Variants in RYR2 observed in about 807,000 individuals in gnomAD.
RYR2 encodes the protein ryanodine receptor 2.
RYR2 carries 227 observed loss-of-function variants against 601.1 expected under a neutral mutation model. The ratio of observed to expected loss-of-function variants is 0.38; its 90% CI spans 0.34 to 0.42. The LOEUF (loss-of-function observed/expected upper bound fraction) is 0.42, where lower values mean the gene tolerates loss of function less well. RYR2 is among the 10% of genes least tolerant of loss of function. The pLI, the probability that RYR2 is intolerant of heterozygous loss-of-function variation, is 1.00. For missense variants in RYR2, 4,646 were observed against 6,156.5 expected, an observed-to-expected ratio of 0.75 and a Z score of 8.21; for synonymous variants, 2,223 against 2,175.1, an observed-to-expected ratio of 1.02 and a Z score of -0.61.
intron 7 of RYR2, among the ~76,000 whole-genome samples, chr1:237,376,981 G>A (rs1048874677): frequency 5.3e-5 from 8 of 152,132 alleles, no homozygotes; most frequent in Admixed American, 1.3e-4. Context: ...TTTATAGAAA[G>A]GAATTGGACA....
intron 2 of RYR2, among the ~76,000 whole-genome samples, chr1:237,274,278 A>G (rs1690036947): frequency 6.6e-6 from 1 of 151,552 alleles, no homozygotes; most frequent in Admixed American, 6.6e-5. Flanking sequence ...CACATATATG[A>G]CAGTGGTCCC....
intron 2 of RYR2, among the ~76,000 whole-genome samples, chr1:237,273,962 T>C (rs1481748561): frequency 6.8e-6 from 1 of 146,700 alleles, no homozygotes; most frequent in East Asian, 1.9e-4. Flanking sequence ...ATAACGCATA[T>C]ATTAAATATA....
chr1:237,421,563 T>C (rs1205827136), intron 11 of RYR2, among the ~76,000 whole-genome samples: 1 of 152,144 alleles, frequency 6.6e-6, no homozygotes, highest in Non-Finnish European at 1.5e-5. Context: ...AAGTCAAAAA[T>C]CCAGGTTAGG....
chr1:237,824,692 A>C lies in RYR2; in HGVS notation c.14591-3689A>C, dbSNP rs144631131. Among the ~76,000 whole-genome samples, 225 of 152,242 alleles carry C rather than the reference A, an allele frequency of 1.5e-3. 1 individual carries two copies. The South Asian group carries it at 0.016, about 11-fold the overall frequency. On this transcript the variant is annotated intron_variant, in intron 101 of 104. Transcript: ENST00000366574. ...AGTCCTGGCCAGGGCAATCAGGCAA[A>C]ACAAAGAAATAAAGGGTATTCAATT...
intron 1 of RYR2, among the ~76,000 whole-genome samples, chr1:237,081,605 GCA>G (rs1422597609): frequency 1.3e-5 from 2 of 150,738 alleles, no homozygotes; most frequent in African/African-American, 4.9e-5. Flanking sequence ...TACATATATG[GCA>G]CACACACACA....
rs545939670 is a variant in RYR2, at chr1:237,678,178, C to T, written c.8895+66C>T. The T allele has an allele frequency of 1.9e-5, 16 of 860,206 alleles. 1 individual carries two copies. Among genetic ancestry groups the T allele is most frequent in the African/African-American group, 3.3e-5 (2 of 60,588 alleles). The allele number at this position is 860,206 out of a possible 1,614,324, so 53.3% of individuals were successfully genotyped here. On this transcript the variant is annotated intron_variant, in intron 61 of 104. Coordinates refer to ENST00000366574, the MANE Select transcript of RYR2 (RefSeq NM_001035.3). ...TGTTTACATACCCTACTCATTAGAT[C>T]GTTGCCCTTTTCAGAACATACTTGT...
At chr1:237,699,286 C>T (rs1394640443) in intron 64 of RYR2, among the ~76,000 whole-genome samples, 3 of 152,196 alleles carry the variant, frequency 2.0e-5, no homozygotes, top group African/African-American at 7.2e-5. Flanking sequence ...TAATGTATCA[C>T]GCAGGAAAAA....
chr1:237,794,306 C>G (rs1382525152), intron 95 of RYR2, among the ~76,000 whole-genome samples: 1 of 142,294 alleles, frequency 7.0e-6, no homozygotes, highest in African/African-American at 2.6e-5. Flanking sequence ...GACCTGCAGG[C>G]AGGGTTATCT....
chr1:237,616,475 C>T (rs1678483802), intron 37 of RYR2, among the ~76,000 whole-genome samples: 1 of 152,054 alleles, frequency 6.6e-6, no homozygotes, highest in Non-Finnish European at 1.5e-5. Flanking sequence ...ATCCATAACC[C>T]AGATCTTAAT....
chr1:237,721,779 C>T (rs1020479226), intron 73 of RYR2, among the ~76,000 whole-genome samples: 2 of 152,178 alleles, frequency 1.3e-5, no homozygotes, highest in East Asian at 1.9e-4. Context: ...CTTGGCCTCC[C>T]AAAGTGCTGG....
intron 51 of RYR2, among the ~76,000 whole-genome samples, chr1:237,652,903 G>A (rs914069902): frequency 1.3e-5 from 2 of 152,000 alleles, no homozygotes; most frequent in African/African-American, 4.8e-5. Flanking sequence ...TAACTGAAAG[G>A]GAAAGTAAAT....
intron 92 of RYR2, 101 bp from the exon 93 acceptor site, chr1:237,791,328 A>G (rs533968164): frequency 3.8e-5 from 27 of 704,940 alleles, no homozygotes; most frequent in African/African-American, 3.3e-4. Flanking sequence ...TAGGCTTGCG[A>G]TCAATTGTTT....
At chr1:237,197,409 C>A (rs79792704) in intron 1 of RYR2, among the ~76,000 whole-genome samples, 1,696 of 152,222 alleles carry the variant, frequency 0.011, 49 homozygotes, top group East Asian at 0.092. Context: ...TCTACTTTCA[C>A]CGAACTTAAT....
intron 12 of RYR2, among the ~76,000 whole-genome samples, chr1:237,437,216 T>C (rs916830483): frequency 6.6e-6 from 1 of 151,648 alleles, no homozygotes; most frequent in Non-Finnish European, 1.5e-5. Flanking sequence ...AGCTAATTTT[T>C]TATTTTATTT....
intron 2 of RYR2, among the ~76,000 whole-genome samples, chr1:237,319,844 T>A (rs1432361461): frequency 6.6e-6 from 1 of 152,230 alleles, no homozygotes; most frequent in African/African-American, 2.4e-5. Context: ...TGGTAGAGGA[T>A]CACCAGGTGT....
chr1:237,306,367 C>G (rs1303327129), intron 2 of RYR2, among the ~76,000 whole-genome samples: 2 of 152,102 alleles, frequency 1.3e-5, no homozygotes, highest in African/African-American at 2.4e-5. Flanking sequence ...ACTTAGCAAT[C>G]AATGACAGAT....
At chr1:237,311,529 G>C (rs1475870644) in intron 2 of RYR2, among the ~76,000 whole-genome samples, 1 of 151,394 alleles carries the variant, frequency 6.6e-6, no homozygotes, top group Non-Finnish European at 1.5e-5. Flanking sequence ...ACCCAGGCTG[G>C]TGTGCAGTGG....
intron 2 of RYR2, among the ~76,000 whole-genome samples, chr1:237,288,088 A>T (rs1691758145): frequency 6.6e-6 from 1 of 152,042 alleles, no homozygotes; most frequent in Non-Finnish European, 1.5e-5. Flanking sequence ...TGTCTGCTGG[A>T]TCTAGCCACC....
At chr1:237,429,284 G>A (rs1481813293) in intron 12 of RYR2, among the ~76,000 whole-genome samples, 1 of 152,158 alleles carries the variant, frequency 6.6e-6, no homozygotes, top group Non-Finnish European at 1.5e-5. Context: ...ACGCAGGGAG[G>A]ATGAGTCACT....
Sources: allele counts gnomAD v4.1 joint callset (sites outside exome capture counted in the v4.1 genomes callset), GRCh38; gene constraint gnomAD v4.1.1; transcripts MANE v1.5; gene names NCBI Gene and HGNC (gene_info 2026-07-23, HGNC 2026-07-21).